The following BAZ2B variants were observed in gnomAD, a reference collection of about 807,000 sequenced individuals.
BAZ2B encodes bromodomain adjacent to zinc finger domain protein 2B.
A neutral mutation model predicts 246.0 loss-of-function variants in BAZ2B; 91 were observed. That is an observed-to-expected ratio of 0.37 (90% CI 0.31 to 0.44). BAZ2B has a LOEUF of 0.44. Among genes scored for constraint, BAZ2B ranks in the 20% least tolerant of loss-of-function variants. BAZ2B has a pLI of 1.00. For missense variants in BAZ2B, 2,332 were observed against 2,533.7 expected (o/e 0.92, Z 1.71); for synonymous variants, 855 against 860.0 (o/e 0.99, Z 0.10).
intron 2 of BAZ2B, among the ~76,000 whole-genome samples, chr2:159,491,536 C>T (rs1350614413): frequency 6.7e-6 from 1 of 150,036 alleles, no homozygotes; most frequent in Non-Finnish European, 1.5e-5. Flanking sequence ...CCGGCTAAAA[C>T]GGTGAAACCC....
chr2:159,402,095 T>A (rs2065167077), intron 16 of BAZ2B, among the ~76,000 whole-genome samples: 1 of 152,218 alleles, frequency 6.6e-6, no homozygotes. Context: ...GATCACATTC[T>A]TTGATTTTGG....
intron 16 of BAZ2B, 25 bp from the exon 17 acceptor site, chr2:159,400,689 G>A (rs1352789514): frequency 1.5e-6 from 2 of 1,304,828 alleles, no homozygotes; most frequent in Non-Finnish European, 2.2e-6. Context: ...ATGATAACTT[G>A]AGATAATAAA....
At chr2:159,381,895 A>T (rs2062034741) in intron 25 of BAZ2B, among the ~76,000 whole-genome samples, 1 of 152,088 alleles carries the variant, frequency 6.6e-6, no homozygotes, top group Non-Finnish European at 1.5e-5. Flanking sequence ...TCTTCCCTAG[A>T]CCTTTACCCA....
At chr2:159,326,681 T>C (rs929629040) in intron 34 of BAZ2B, among the ~76,000 whole-genome samples, 3 of 152,102 alleles carry the variant, frequency 2.0e-5, no homozygotes, top group Non-Finnish European at 4.4e-5. Flanking sequence ...AAAATAAGGA[T>C]GACAAGCCAC....
chr2:159,572,046 A>C (rs1443930154), intron 1 of BAZ2B, among the ~76,000 whole-genome samples: 1 of 152,190 alleles, frequency 6.6e-6, no homozygotes, highest in African/African-American at 2.4e-5. Flanking sequence ...ATGCCTATGT[A>C]ATTAAACCCC....
Position 159,350,261 on chromosome 2 carries a change from T to C in BAZ2B, c.4310A>G (p.Asn1437Ser), listed in dbSNP as rs2058410794. The C allele has an allele frequency of 2.5e-6, 4 of 1,612,250 alleles. No individual in the cohort carries two copies. Among genetic ancestry groups the C allele is most frequent in the Non-Finnish European group, 3.4e-6 (4 of 1,178,832 alleles). ...TTCACAGTGATCTGTATTTGAACAA[T>C]TTAAACTGTCCCCAGAAGTCTCAAA... ...EMFETSGDSLNCSNTDHCEQK... is the reference protein window; with the variant it reads ...EMFETSGDSLSCSNTDHCEQK... The change falls in exon 28 of 37, where the codon AAT (asparagine) becomes AGT (serine). Residue 1437 changes from asparagine to serine, a missense_variant. Physicochemically the swap from Asn to Ser is conservative, Grantham distance 46. Coordinates refer to ENST00000392783, the MANE Select transcript of BAZ2B (RefSeq NM_013450.4).
intron 34 of BAZ2B, among the ~76,000 whole-genome samples, chr2:159,328,670 T>C (rs1394224322): frequency 6.6e-6 from 1 of 152,200 alleles, no homozygotes; most frequent in Admixed American, 6.5e-5. Flanking sequence ...CAATGAACTC[T>C]TTCATGTCAT....
intron 2 of BAZ2B, among the ~76,000 whole-genome samples, chr2:159,505,470 A>C (rs1472091562): frequency 6.6e-6 from 1 of 152,220 alleles, no homozygotes; most frequent in Non-Finnish European, 1.5e-5. Context: ...GTTAAGAATC[A>C]CTGCCATAGA....
At chr2:159,704,304 A>G in the BAZ2B span, among the ~76,000 whole-genome samples, 5 of 152,208 alleles carry the variant, frequency 3.3e-5, no homozygotes, top group African/African-American at 1.2e-4. Flanking sequence ...TCCAACTGCT[A>G]AGAAAGTGAA....
chr2:159,519,090 A>T (rs1559677066), intron 2 of BAZ2B, among the ~76,000 whole-genome samples: 1 of 152,184 alleles, frequency 6.6e-6, no homozygotes, highest in Admixed American at 6.5e-5. Flanking sequence ...AAGATTCCCC[A>T]AAATAAGCCA....
chr2:159,488,392 C>T (rs2080080287), intron 2 of BAZ2B, among the ~76,000 whole-genome samples: 1 of 152,100 alleles, frequency 6.6e-6, no homozygotes, highest in South Asian at 2.1e-4. Flanking sequence ...TTGCTTTTAA[C>T]ACAAAGAAAG....
chr2:159,543,329 A>G (rs1031616747), intron 2 of BAZ2B, among the ~76,000 whole-genome samples: 2 of 152,080 alleles, frequency 1.3e-5, no homozygotes, highest in African/African-American at 4.8e-5. Flanking sequence ...AGGTATGATA[A>G]TGCTATTAGG....
At chr2:159,462,599 G>A (rs191937680) in intron 3 of BAZ2B, 10 of 881,762 alleles carry the variant, frequency 1.1e-5, no homozygotes, top group Admixed American at 3.4e-5. Flanking sequence ...TGCGTCATTC[G>A]AAACAGTTAG....
chr2:159,685,692 AC>A, the BAZ2B span, among the ~76,000 whole-genome samples: 2 of 152,194 alleles, frequency 1.3e-5, no homozygotes, highest in Non-Finnish European at 2.9e-5. Context: ...GAGTGACAAA[AC>A]AAATAATGGC....
intron 1 of BAZ2B, among the ~76,000 whole-genome samples, chr2:159,613,067 GAAAA>G (rs10609291): frequency 0.47 from 70,824 of 151,438 alleles, 16,946 homozygotes; most frequent in East Asian, 0.6. Context: ...GTTCTAGAAA[GAAAA>G]AACCTGCATA....
chr2:159,380,654 G>A (rs2061893612), intron 25 of BAZ2B, among the ~76,000 whole-genome samples: 1 of 152,146 alleles, frequency 6.6e-6, no homozygotes, highest in African/African-American at 2.4e-5. Context: ...CGCTAACAAT[G>A]TGGATTATGC....
At chr2:159,563,326 T>C (rs1357602001) in intron 1 of BAZ2B, among the ~76,000 whole-genome samples, 1 of 152,164 alleles carries the variant, frequency 6.6e-6, no homozygotes, top group Non-Finnish European at 1.5e-5. Context: ...TTATGTACCT[T>C]AGGCAATCTA....
At chr2:159,552,095 C>A (rs887801043) in intron 2 of BAZ2B, among the ~76,000 whole-genome samples, 8 of 152,144 alleles carry the variant, frequency 5.3e-5, no homozygotes, top group Non-Finnish European at 1.0e-4. Context: ...ACTCTCTAGA[C>A]CTTGGTTTTC....
At chr2:159,428,944 T>G (rs530765105) in intron 11 of BAZ2B, among the ~76,000 whole-genome samples, 4 of 152,268 alleles carry the variant, frequency 2.6e-5, no homozygotes, top group South Asian at 2.1e-4. Context: ...TGATTTGCTC[T>G]TGGTTCTTTT....
Sources: allele counts gnomAD v4.1 joint callset (sites outside exome capture counted in the v4.1 genomes callset), GRCh38; gene constraint gnomAD v4.1.1; transcripts MANE v1.5; gene names NCBI Gene and HGNC (gene_info 2026-07-23, HGNC 2026-07-21).